The following KIF9 variants were observed in gnomAD, a reference collection of about 807,000 sequenced individuals.
KIF9 encodes the protein kinesin-like protein KIF9.
Under a neutral mutation model 94.8 loss-of-function variants are expected in KIF9, and 68 were observed. The observed-to-expected ratio is 0.72, with a 90% CI of 0.59 to 0.88. KIF9 has a LOEUF of 0.88. Among genes scored for constraint, KIF9 ranks in the 40% least tolerant of loss-of-function variants. The probability of loss-of-function intolerance (pLI) is 0.00; values close to 1 mark genes in which losing one functional copy is unlikely to be tolerated. For synonymous variants in KIF9, 343 were observed against 362.1 expected (o/e 0.95, Z 0.60); for missense variants, 882 against 982.5 (o/e 0.90, Z 1.37).
intron 20 of KIF9, among the ~76,000 whole-genome samples, chr3:47,233,923 C>G (rs1485717868): frequency 6.6e-6 from 1 of 152,040 alleles, no homozygotes; most frequent in Non-Finnish European, 1.5e-5. Context: ...AACCCCATCT[C>G]TACTAAAAAT....
At chr3:47,280,747 C>T (rs1480296919) in intron 1 of KIF9, among the ~76,000 whole-genome samples, 2 of 152,284 alleles carry the variant, frequency 1.3e-5, no homozygotes, top group East Asian at 3.9e-4. Context: ...CTCTGCCCTG[C>T]TATTTGCCAA....
rs763360424 is a variant in KIF9 at position 47,267,216 on chromosome 3, A to G, written c.639T>C (p.Ser213=). The G allele has an allele frequency of 6.2e-7, 1 of 1,613,630 alleles. No individual in the cohort carries two copies. The highest frequency in any genetic ancestry group is 1.1e-5 in the South Asian group (1 of 91,044). ...TGGTGAAAATGCAGTGTGATCTGGA[A>G]GAGTTTTTGTTCATAGTGTGGGAGG... is the stretch of plus-strand genomic sequence containing the variant. ...IIASHTMNKN[S]SRSHCIFTIY... Residue 213 remains serine, a synonymous_variant, in exon 6 of 21, where the codon TCT becomes TCC. Coordinates refer to ENST00000684063, the MANE Select transcript of KIF9 (RefSeq NM_182902.4).
At chr3:47,233,883 A>G (rs1698803366) in intron 20 of KIF9, among the ~76,000 whole-genome samples, 1 of 151,820 alleles carries the variant, frequency 6.6e-6, no homozygotes, top group South Asian at 2.1e-4. Context: ...TGAGGTCAGG[A>G]GTTCGAGACC....
At chr3:47,238,739 C>T (rs1476448262) in intron 17 of KIF9, among the ~76,000 whole-genome samples, 1 of 152,110 alleles carries the variant, frequency 6.6e-6, no homozygotes, top group Non-Finnish European at 1.5e-5. Flanking sequence ...CGACTCACTG[C>T]AAGCTCTGCC....
intron 17 of KIF9, among the ~76,000 whole-genome samples, chr3:47,239,178 C>A (rs1209150151): frequency 6.6e-6 from 1 of 152,082 alleles, no homozygotes; most frequent in Non-Finnish European, 1.5e-5. Context: ...CCAGCCTGGG[C>A]AACAAGAGTG....
At chr3:47,281,928 G>A (rs1702391017) in intron 1 of KIF9, among the ~76,000 whole-genome samples, 1 of 152,198 alleles carries the variant, frequency 6.6e-6, no homozygotes, top group African/African-American at 2.4e-5. Context: ...GCTGTCATGG[G>A]GAACCCTCAT....
chr3:47,254,413 G>A lies in KIF9; in HGVS notation c.1059+3070C>T, dbSNP rs144439471. Among the ~76,000 whole-genome samples the A allele has an allele frequency of 6.6e-5, 10 of 152,250 alleles. No homozygotes were observed. In the South Asian group the frequency reaches 8.3e-4, roughly 13 times the overall value. ...GGAGAGGTTGCAGTGAGCTGAGATC[G>A]CACCACTGCACTCCAGCCTGGGTGA... On this transcript the variant is annotated intron_variant, in intron 10 of 20. Coordinates refer to ENST00000684063, the MANE Select transcript of KIF9 (RefSeq NM_182902.4).
chr3:47,238,016 AG>A (rs1396958001), intron 17 of KIF9, among the ~76,000 whole-genome samples: 1 of 152,236 alleles, frequency 6.6e-6, no homozygotes, highest in Non-Finnish European at 1.5e-5. Flanking sequence ...TGTTCTACCC[AG>A]AGGATCTCTG....
chr3:47,252,845 T>C (rs998235695), intron 10 of KIF9, among the ~76,000 whole-genome samples: 6 of 151,720 alleles, frequency 4.0e-5, no homozygotes, highest in Non-Finnish European at 7.4e-5. Flanking sequence ...AAACCCCGTC[T>C]CTACTAAAAA....
rs1457160839 is a variant in KIF9, at chr3:47,275,504, G to A, written c.94-14C>T. 1.9e-6 allele frequency: 3 copies of A among 1,582,064 alleles called. No homozygotes were observed. The highest frequency in any genetic ancestry group is 2.2e-5 in the East Asian group (1 of 44,716). On this transcript the variant is annotated splice_polypyrimidine_tract_variant and intron_variant, in intron 2 of 20. Transcript: ENST00000684063. ...AATATCAATGCTCTAGGAAAAAAGA[G>A]TGAGAAAGAAAAAAATGTTATTTGT...
In KIF9 at chr3:47,236,042, C is replaced by A. The variant is rs1316165312; in HGVS notation, c.2209G>T (p.Val737Leu). Reference sequence around the variant, plus strand: ...GCCCCTGTGCCGCTCACCAGAGACACAATCCTGTTCACAGGGACCATGCCT... The same window carrying A: ...GCCCCTGTGCCGCTCACCAGAGACAAAATCCTGTTCACAGGGACCATGCCT... Reference protein sequence around the residue: ...RPGMVPVNRIVSLGEDDQDKF... With the variant: ...RPGMVPVNRILSLGEDDQDKF... Residue 737 changes from valine (V) to leucine (L), a missense_variant, in exon 19 of 21, where the codon GTG becomes TTG. By Grantham distance (32) the Val-to-Leu change is conservative (BLOSUM62 1). Transcript: ENST00000684063. 1.2e-6 allele frequency: 2 copies of A among 1,613,512 alleles called. No homozygotes were observed. The highest frequency in any genetic ancestry group is 1.7e-6 in the Non-Finnish European group (2 of 1,179,450).
chr3:47,272,919 G>C (rs1181129225), intron 4 of KIF9, among the ~76,000 whole-genome samples: 1 of 152,148 alleles, frequency 6.6e-6, no homozygotes, highest in Non-Finnish European at 1.5e-5. Flanking sequence ...AAAAAATCCT[G>C]TCCTATAACA....
At chr3:47,232,033 T>C (rs964704722) in intron 20 of KIF9, among the ~76,000 whole-genome samples, 6 of 152,226 alleles carry the variant, frequency 3.9e-5, no homozygotes, top group African/African-American at 1.4e-4. Flanking sequence ...CCCATGGTGA[T>C]GCTATGAAGA....
chr3:47,252,254 G>A (rs977028178), intron 10 of KIF9, among the ~76,000 whole-genome samples: 1 of 152,140 alleles, frequency 6.6e-6, no homozygotes, highest in Non-Finnish European at 1.5e-5. Flanking sequence ...CACTCAGTTG[G>A]CCAAGGCCAA....
At chr3:47,277,719 A>C (rs1411169472) in intron 1 of KIF9, among the ~76,000 whole-genome samples, 1 of 152,192 alleles carries the variant, frequency 6.6e-6, no homozygotes, top group Non-Finnish European at 1.5e-5. Flanking sequence ...TGATGAGTCC[A>C]CTTATGCTTT....
rs764608087 is a variant in KIF9, at chr3:47,266,981, A to G, written c.763T>C (p.Ser255Pro). Residue 255 changes from serine to proline, a missense_variant, in exon 7 of 21, where the codon TCT (serine) becomes CCT (proline). Ser to Pro is a moderately conservative substitution (Grantham distance 74). Coordinates refer to ENST00000684063, the MANE Select transcript of KIF9 (RefSeq NM_182902.4). ...CTCCAGCCCCCATCACTTACCCCAG[A>G]CTTCCCCAGCCTCTCTGAGCCTGCC... The part of the protein sequence containing the change: ...DLAGSERLGK[S>P]GSEGQVLKEA... 3 of 1,613,038 alleles carry G rather than the reference A, an allele frequency of 1.9e-6. No homozygotes were observed. The highest frequency in any genetic ancestry group is 3.3e-5 in the Admixed American group (2 of 59,972).
At chr3:47,260,056 T>C (rs1383336816) in intron 9 of KIF9, among the ~76,000 whole-genome samples, 2 of 116,010 alleles carry the variant, frequency 1.7e-5, no homozygotes, top group Non-Finnish European at 3.5e-5. Flanking sequence ...GGCAATGGAA[T>C]GTCTCGGTAT....
In KIF9 at chr3:47,240,806, T is replaced by C. The variant is rs1358620917; in HGVS notation, c.1919A>G (p.Lys640Arg). 1.9e-6 allele frequency: 3 copies of C among 1,613,542 alleles called. No individual in the cohort carries two copies. In the African/African-American group the frequency reaches 4.0e-5, roughly 22 times the overall value. ...CCTCTTTCCAACACATTTACCTTGC[T>C]TCTCCCGTAGTGACTTCTGGAAATT... Reference protein sequence around the residue: ...ALNFQKSLREKQGKYENKGLM... With the variant: ...ALNFQKSLRERQGKYENKGLM... The change falls in exon 17 of 21, where the codon AAG becomes AGG. Residue 640 changes from lysine (K) to arginine (R), a missense_variant. Coordinates refer to ENST00000684063, the MANE Select transcript of KIF9 (RefSeq NM_182902.4).
intron 14 of KIF9, 27 bp from the exon 15 acceptor site, chr3:47,244,951 TGTGA>T (rs768645413): frequency 1.1e-5 from 17 of 1,613,374 alleles, no homozygotes; most frequent in Non-Finnish European, 1.7e-6. Flanking sequence ...GCCAAAGGTC[TGTGA>T]GTTAGATTAA....
Sources: allele counts gnomAD v4.1 joint callset (sites outside exome capture counted in the v4.1 genomes callset), GRCh38; gene constraint gnomAD v4.1.1; transcripts MANE v1.5; gene names NCBI Gene and HGNC (gene_info 2026-07-23, HGNC 2026-07-21).